Variants in EDC4 observed in about 807,000 individuals in gnomAD.
The protein encoded by EDC4 is enhancer of mRNA-decapping protein 4.
EDC4 carries 64 observed loss-of-function variants against 155.8 expected under a neutral mutation model. The observed-to-expected ratio is 0.41, with a 90% confidence interval of 0.34 to 0.51. The LOEUF (loss-of-function observed/expected upper bound fraction) is 0.51, where lower values mean the gene tolerates loss of function less well. Ranked by LOEUF, EDC4 falls within the 20% of genes least tolerant of loss-of-function variation. The probability of loss-of-function intolerance (pLI) is 0.19; values close to 1 mark genes in which losing one functional copy is unlikely to be tolerated. For missense variants in EDC4, 1,303 were observed against 1,812.5 expected, an observed-to-expected ratio of 0.72 and a Z score of 5.10; for synonymous variants, 684 against 716.8, an observed-to-expected ratio of 0.95 and a Z score of 0.73.
Position 67,879,314 on chromosome 16 carries a change from G to A in EDC4, c.1541+5G>A. 6.2e-7 allele frequency: 1 copy of A among 1,614,212 alleles called. No individual in the cohort carries two copies. Among genetic ancestry groups the A allele is most frequent in the Non-Finnish European group, 8.5e-7 (1 of 1,180,036 alleles). On this transcript the variant is annotated splice_donor_5th_base_variant and intron_variant, in intron 13 of 28. Coordinates refer to ENST00000358933, the MANE Select transcript of EDC4 (RefSeq NM_014329.5). This position sits in a 1 kb window ranked among gnomAD's most constrained non-coding sequence, Gnocchi z 6.0. ...GCTCTTTTGTGTGCATACTAAGTGA[G>A]TGAGTGGGGAGGCCCGCCAGTGTCC...
chr16:67,876,937 C>T lies in EDC4; in HGVS notation c.416C>T (p.Ala139Val). The change falls in exon 4 of 29, where the codon GCT becomes GTT. Residue 139 changes from alanine to valine, a missense_variant. Ala to Val is a moderately conservative substitution (Grantham distance 64, BLOSUM62 0). Transcript: ENST00000358933. The surrounding 1 kb of genome is among the most constrained non-coding windows in gnomAD (Gnocchi z 5.8). ...EQKYYYGNLI[A>V]VSNSFLAYAI... Reference sequence around the variant, plus strand: ...AAGTACTACTATGGCAACCTGATTGCTGTGTCTAACTCCTTCTTGGCCTAT... The same window carrying T: ...AAGTACTACTATGGCAACCTGATTGTTGTGTCTAACTCCTTCTTGGCCTAT... 1 of 1,614,264 alleles carries T rather than the reference C, an allele frequency of 6.2e-7. No homozygotes were observed. Among genetic ancestry groups the T allele is most frequent in the South Asian group, 1.1e-5 (1 of 91,092 alleles).
rs1379185136 is a variant in EDC4, at chr16:67,884,392, C to T, written c.*244C>T. On this transcript the variant is annotated 3_prime_UTR_variant, in exon 29 of 29. Coordinates refer to ENST00000358933, the MANE Select transcript of EDC4 (RefSeq NM_014329.5). The surrounding 1 kb of genome is among the most constrained non-coding windows in gnomAD (Gnocchi z 4.1). Reference sequence around the variant, plus strand: ...CATGCCTGGAGCATGACCCTGAGATCGTGACACCACTTGAGTGGAATTTTC... The same window carrying T: ...CATGCCTGGAGCATGACCCTGAGATTGTGACACCACTTGAGTGGAATTTTC... 3 of 549,696 alleles carry T rather than the reference C, an allele frequency of 5.5e-6. No homozygotes were observed. Among genetic ancestry groups the T allele is most frequent in the Non-Finnish European group, 6.4e-6 (2 of 313,444 alleles). The allele number at this position is 549,696 out of a possible 1,614,324, so 34.1% of individuals were successfully genotyped here. A position where few individuals can be genotyped will look rare whatever the true frequency, so the allele number is the denominator to read the frequency against.
Position 67,877,407 on chromosome 16 carries a change from G to A in EDC4, c.641+1G>A. 1 of 1,612,652 alleles carries A rather than the reference G, an allele frequency of 6.2e-7. No homozygotes were observed. Among genetic ancestry groups the A allele is most frequent in the Non-Finnish European group, 8.5e-7 (1 of 1,179,314 alleles). On this transcript the variant is annotated splice_donor_variant, in intron 5 of 28. Coordinates refer to ENST00000358933, the MANE Select transcript of EDC4 (RefSeq NM_014329.5). LOFTEE classifies it high-confidence loss of function. The surrounding 1 kb of genome is among the most constrained non-coding windows in gnomAD (Gnocchi z 4.9). ...TGGCTCTGGTTAATGGCAAAATTCA[G>A]TATCCATTCCTTCCTGTGGGTGGTG...
intron 1 of EDC4, chr16:67,873,581 G>A: frequency 2.5e-6 from 1 of 405,226 alleles, no homozygotes; most frequent in Non-Finnish European, 4.4e-6. Flanking sequence ...AAGGTGAGGC[G>A]CCTTCTCTGA....
Position 67,884,416 on chromosome 16 carries a change from T to G in EDC4, c.*268T>G. On this transcript the variant is annotated 3_prime_UTR_variant, in exon 29 of 29. Transcript: ENST00000358933. The surrounding 1 kb of genome is among the most constrained non-coding windows in gnomAD (Gnocchi z 4.1). ...TCGTGACACCACTTGAGTGGAATTT[T>G]CCATGTTCCTTTTTACCTCTAATTT... The G allele has an allele frequency of 1.8e-6, 1 of 543,652 alleles. No homozygotes were observed. Among genetic ancestry groups the G allele is most frequent in the Non-Finnish European group, 3.2e-6 (1 of 309,582 alleles). The allele number at this position is 543,652 out of a possible 1,614,324, so 33.7% of individuals were successfully genotyped here.
chr16:67,874,991 A>T (rs1050294033), intron 1 of EDC4, among the ~76,000 whole-genome samples: 1 of 152,172 alleles, frequency 6.6e-6, no homozygotes, highest in African/African-American at 2.4e-5. Context: ...GATGCAGGAG[A>T]ATCCCTTGAA....
rs1218926380 is a variant in EDC4, at chr16:67,883,500, A to G, written c.3850-68A>G. 6.3e-7 allele frequency: 1 copy of G among 1,587,170 alleles called. No homozygotes were observed. Among genetic ancestry groups the G allele is most frequent in the Non-Finnish European group, 8.6e-7 (1 of 1,169,116 alleles). ...CTGTGGTCATCCTCCCCCAGGCCAC[A>G]CAGTTCAGACAAGCAGACATTCCAT... On this transcript the variant is annotated intron_variant, in intron 27 of 28. Transcript: ENST00000358933. The surrounding 1 kb of genome is among the most constrained non-coding windows in gnomAD (Gnocchi z 5.3).
chr16:67,878,411 G>C lies in EDC4; in HGVS notation c.1056G>C (p.Leu352=). The stretch of plus-strand genomic sequence containing the variant: ...ATGGGCGGCCCCTCTCCTGCCTCCT[G>C]TTCTGTGACAACCATAAGAAACAAG... ...PHDGRPLSCL[L]FCDNHKKQDP... The change falls in exon 9 of 29, where the codon CTG becomes CTC. Residue 352 remains leucine (L), a synonymous_variant. Coordinates refer to ENST00000358933, the MANE Select transcript of EDC4 (RefSeq NM_014329.5). The surrounding 1 kb of genome is among the most constrained non-coding windows in gnomAD (Gnocchi z 5.2). 6.2e-7 allele frequency: 1 copy of C among 1,614,204 alleles called. No homozygotes were observed. Among genetic ancestry groups the C allele is most frequent in the Non-Finnish European group, 8.5e-7 (1 of 1,180,032 alleles).
chr16:67,878,627 A>G lies in EDC4; in HGVS notation c.1180A>G (p.Ile394Val), dbSNP rs754975885. ...AGTATCCTGGACCTGCCTGCAGACT[A>G]TTCGGTAAGCAGTGGCTGGAAGGCT... is the stretch of plus-strand genomic sequence containing the variant. ...CTVSWTCLQTIRFSPDIFSSV... is the reference protein window; with the variant it reads ...CTVSWTCLQTVRFSPDIFSSV... The change falls in exon 10 of 29, where the codon ATT becomes GTT. Residue 394 changes from isoleucine to valine, a missense_variant. Ile to Val is a conservative substitution (Grantham distance 29). Coordinates refer to ENST00000358933, the MANE Select transcript of EDC4 (RefSeq NM_014329.5). The surrounding 1 kb of genome is among the most constrained non-coding windows in gnomAD (Gnocchi z 5.2). 1.2e-5 allele frequency: 19 copies of G among 1,614,154 alleles called. No individual in the cohort carries two copies. Among genetic ancestry groups the G allele is most frequent in the Admixed American group, 8.3e-5 (5 of 60,020 alleles).
chr16:67,881,418 G>C lies in EDC4; in HGVS notation c.2789+1G>C. 6.2e-7 allele frequency: 1 copy of C among 1,614,106 alleles called. No homozygotes were observed. The highest frequency in any genetic ancestry group is 8.5e-7 in the Non-Finnish European group (1 of 1,179,988). On this transcript the variant is annotated splice_donor_variant, in intron 20 of 28. Coordinates refer to ENST00000358933, the MANE Select transcript of EDC4 (RefSeq NM_014329.5). LOFTEE classifies it high-confidence loss of function. This position sits in a 1 kb window ranked among gnomAD's most constrained non-coding sequence, Gnocchi z 5.4. ...AGAGGAAAAGCAAGAAGGATGATGG[G>C]TAGGGAGAAATCCTAGGGAGGGAGA...
At position 67,879,347 on chromosome 16, in the gene EDC4, G is replaced by C. The variant is rs773015962; in HGVS notation, c.1541+38G>C. The C allele has an allele frequency of 1.9e-6, 3 of 1,614,064 alleles. No homozygotes were observed. The highest frequency in any genetic ancestry group is 1.6e-4 in the Middle Eastern group (1 of 6,084). On this transcript the variant is annotated intron_variant, in intron 13 of 28. Coordinates refer to ENST00000358933, the MANE Select transcript of EDC4 (RefSeq NM_014329.5). This position sits in a 1 kb window ranked among gnomAD's most constrained non-coding sequence, Gnocchi z 6.0. ...GGAGGCCCGCCAGTGTCCTGTCTGT[G>C]TCTGTCTCCACTCTACTGACCCTTG...
At position 67,878,198 on chromosome 16, in the gene EDC4, G is replaced by A. The variant is rs200449852; in HGVS notation, c.927G>A (p.Gly309=). ...CLSEGALSPD[G]TVLATASHDG... ...GTGAAGGAGCCCTCTCTCCTGATGG[G>A]ACTGTGCTGGCTACTGCGAGCCACG... Residue 309 remains glycine, a synonymous_variant, in exon 8 of 29, where the codon GGG becomes GGA. Coordinates refer to ENST00000358933, the MANE Select transcript of EDC4 (RefSeq NM_014329.5). This position sits in a 1 kb window ranked among gnomAD's most constrained non-coding sequence, Gnocchi z 5.2. 4.9e-4 allele frequency: 786 copies of A among 1,614,180 alleles called. 9 individuals carry two copies. In the South Asian group the frequency reaches 5.6e-3, roughly 12 times the overall value.
In EDC4 at chr16:67,881,808, C is replaced by T. The variant is rs370703396; in HGVS notation, c.2967C>T (p.His989=). The change falls in exon 22 of 29, where the codon CAC becomes CAT. Residue 989 remains histidine, a synonymous_variant. Coordinates refer to ENST00000358933, the MANE Select transcript of EDC4 (RefSeq NM_014329.5). The surrounding 1 kb of genome is among the most constrained non-coding windows in gnomAD (Gnocchi z 5.4). The part of the protein sequence containing the change: ...LEGLQSTVTG[H]VERALETRHE... ...GCCTGCAGAGCACAGTCACAGGCCA[C>T]GTAGAACGTGCCCTTGAGACTCGGC... 125 of 1,613,874 alleles carry T rather than the reference C, an allele frequency of 7.7e-5. No individual in the cohort carries two copies. The highest frequency in any genetic ancestry group is 9.9e-5 in the Non-Finnish European group (117 of 1,179,866).
At position 67,877,447 on chromosome 16, in the gene EDC4, T is replaced by G. The variant is rs751561379; in HGVS notation, c.641+41T>G. The G allele has an allele frequency of 6.2e-6, 10 of 1,610,178 alleles. No individual in the cohort carries two copies. Among genetic ancestry groups the G allele is most frequent in the Non-Finnish European group, 8.5e-7 (1 of 1,177,436 alleles). ...TGTGGGTGGTGGGACTGAAGAAGGG[T>G]GGGCGGAGCTGGGGTGTCACGCCTC... On this transcript the variant is annotated intron_variant, in intron 5 of 28. Coordinates refer to ENST00000358933, the MANE Select transcript of EDC4 (RefSeq NM_014329.5). This position sits in a 1 kb window ranked among gnomAD's most constrained non-coding sequence, Gnocchi z 4.9.
Position 67,878,053 on chromosome 16 carries a change from C to A in EDC4, c.895-113C>A. 6.6e-7 allele frequency: 1 copy of A among 1,526,118 alleles called. No individual in the cohort carries two copies. Among genetic ancestry groups the A allele is most frequent in the Non-Finnish European group, 8.8e-7 (1 of 1,132,042 alleles). 94.5% of individuals were successfully genotyped at this position (1,526,118 alleles called of 1,614,324 possible). A position where few individuals can be genotyped will look rare whatever the true frequency, so the allele number is the denominator to read the frequency against. On this transcript the variant is annotated intron_variant, in intron 7 of 28. Transcript: ENST00000358933. The surrounding 1 kb of genome is among the most constrained non-coding windows in gnomAD (Gnocchi z 5.2). ...TCTCTAGGAACCCTGTTCATTTAGTCAGTCACACAAGCATGCCAGTCCCAC... is the reference window on the plus strand; with the variant it reads ...TCTCTAGGAACCCTGTTCATTTAGTAAGTCACACAAGCATGCCAGTCCCAC...
Position 67,880,823 on chromosome 16 carries a change from G to A in EDC4, c.2364G>A (p.Glu788=). 6.2e-7 allele frequency: 1 copy of A among 1,613,924 alleles called. No homozygotes were observed. Among genetic ancestry groups the A allele is most frequent in the Non-Finnish European group, 8.5e-7 (1 of 1,179,990 alleles). The change falls in exon 18 of 29, where the codon GAG becomes GAA. Residue 788 remains glutamate (E), a synonymous_variant. Coordinates refer to ENST00000358933, the MANE Select transcript of EDC4 (RefSeq NM_014329.5). This position sits in a 1 kb window ranked among gnomAD's most constrained non-coding sequence, Gnocchi z 5.2. The stretch of plus-strand genomic sequence containing the variant: ...CCCCACGGCCCCGGCCAGGGCCCGA[G>A]CTCGGCCCCCAGCTCGGGCTTGATG... ...LLSPRPRPGP[E]LGPQLGLDGG...
chr16:67,875,187 G>A (rs959152569), intron 1 of EDC4, among the ~76,000 whole-genome samples: 17 of 152,330 alleles, frequency 1.1e-4, no homozygotes, highest in African/African-American at 4.1e-4. Flanking sequence ...CTGAAATGCT[G>A]TCTTTCCTTA....
At chr16:67,874,067 A>G (rs1166014086) in intron 1 of EDC4, among the ~76,000 whole-genome samples, 1 of 152,126 alleles carries the variant, frequency 6.6e-6, no homozygotes, top group Non-Finnish European at 1.5e-5. Context: ...CGATACTGTG[A>G]TGGGCGTGGG....
Position 67,878,948 on chromosome 16 carries a change from C to A in EDC4, c.1288-9C>A. ...TCTGAGCTCAGCTAGGAACGTTCTGCCTGTGCAGGTCCTCTATGTGATGGA... is the reference window on the plus strand; with the variant it reads ...TCTGAGCTCAGCTAGGAACGTTCTGACTGTGCAGGTCCTCTATGTGATGGA... On this transcript the variant is annotated splice_polypyrimidine_tract_variant and intron_variant, in intron 11 of 28. Transcript: ENST00000358933. The surrounding 1 kb of genome is among the most constrained non-coding windows in gnomAD (Gnocchi z 5.2). 1.2e-6 allele frequency: 2 copies of A among 1,609,904 alleles called. No individual in the cohort carries two copies. Among genetic ancestry groups the A allele is most frequent in the Non-Finnish European group, 8.5e-7 (1 of 1,178,320 alleles).
Sources: allele counts gnomAD v4.1 joint callset (sites outside exome capture counted in the v4.1 genomes callset), GRCh38; gene constraint gnomAD v4.1.1; non-coding constraint Gnocchi (gnomAD v3.1); transcripts MANE v1.5; gene names NCBI Gene and HGNC (gene_info 2026-07-23, HGNC 2026-07-21).